Variants in SATB1 observed in about 807,000 individuals in gnomAD.
SATB1 encodes the protein DNA-binding protein SATB1.
SATB1 carries 11 observed loss-of-function variants against 86.9 expected under a neutral mutation model. That is an observed-to-expected ratio of 0.13 (90% confidence interval 0.08 to 0.21). SATB1 has a LOEUF of 0.21. Ranked by LOEUF, SATB1 falls within the 10% of genes least tolerant of loss-of-function variation. SATB1 has a pLI of 1.00. For synonymous variants in SATB1, 357 were observed against 357.2 expected, an observed-to-expected ratio of 1.00 and a Z score of 0.01; for missense variants, 551 against 937.6, an observed-to-expected ratio of 0.59 and a Z score of 5.39.
upstream of SATB1, among the ~76,000 whole-genome samples, chr3:18,427,345 T>G (rs1487061938): frequency 6.6e-6 from 1 of 152,100 alleles, no homozygotes; most frequent in African/African-American, 2.4e-5. Context: ...TTGTACAAAT[T>G]TACAAACAAT....
upstream of SATB1, among the ~76,000 whole-genome samples, chr3:18,442,972 C>CA (rs1467843824): frequency 4.6e-5 from 7 of 152,196 alleles, no homozygotes; most frequent in African/African-American, 1.4e-4. Flanking sequence ...TAGTACCATA[C>CA]AGGAGATGAG....
rs1694446378 is a variant in SATB1, at chr3:18,352,950, T to A, written c.1576-755A>T. On this transcript the variant is annotated intron_variant, in intron 9 of 10. Coordinates refer to ENST00000338745, the MANE Select transcript of SATB1 (RefSeq NM_002971.6). The surrounding 1 kb of genome is among the most constrained non-coding windows in gnomAD (Gnocchi z 4.1). ...TTTCCAAGGCCCAGTTTTTTTACCC[T>A]GAGGTTATCTATCAAGAACTGAATG... 6.6e-6 allele frequency: 1 copy of A among 152,164 alleles called. No individual in the cohort carries two copies. Among genetic ancestry groups the A allele is most frequent in the South Asian group, 2.1e-4 (1 of 4,824 alleles). 9.4% of individuals were successfully genotyped at this position (152,164 alleles called of 1,614,324 possible). A position where few individuals can be genotyped will look rare whatever the true frequency, so the allele number is the denominator to read the frequency against.
intron 9 of SATB1, among the ~76,000 whole-genome samples, chr3:18,377,798 C>A (rs545103644): frequency 5.3e-5 from 8 of 152,092 alleles, no homozygotes; most frequent in East Asian, 3.9e-4. Context: ...AGTTTTGTAG[C>A]ATTTTAGTAG....
chr3:18,414,503 G>C (rs1312495839), intron 5 of SATB1, among the ~76,000 whole-genome samples: 2 of 151,326 alleles, frequency 1.3e-5, no homozygotes, highest in African/African-American at 4.9e-5. Context: ...ATCTCAGAGG[G>C]AAAAAAGAAA....
chr3:18,415,861 G>A (rs1698083924), intron 4 of SATB1, 146 bp downstream of exon 4: 1 of 576,814 alleles, frequency 1.7e-6, no homozygotes, highest in Non-Finnish European at 2.8e-6. Flanking sequence ...AAAAAAGGCA[G>A]AAGGATAGGG....
intron 5 of SATB1, among the ~76,000 whole-genome samples, chr3:18,413,090 T>C (rs1346073201): frequency 6.6e-6 from 1 of 152,038 alleles, no homozygotes; most frequent in African/African-American, 2.4e-5. Flanking sequence ...CAGTGAGGTA[T>C]CCAGCCACAG....
In SATB1 at chr3:18,397,240, T is replaced by G; in HGVS notation, c.690A>C (p.Ala230=). The G allele has an allele frequency of 6.2e-7, 1 of 1,612,986 alleles. No individual in the cohort carries two copies. Among genetic ancestry groups the G allele is most frequent in the African/African-American group, 1.3e-5 (1 of 75,024 alleles). The change falls in exon 6 of 11, where the codon GCA becomes GCC. Residue 230 remains alanine, a synonymous_variant. Transcript: ENST00000338745. ...ACCTTCCAAATTCTTGACATTTTGCTGCTGAGACATTTGCATAGTAAGTAC... is the reference window on the plus strand; with the variant it reads ...ACCTTCCAAATTCTTGACATTTTGCGGCTGAGACATTTGCATAGTAAGTAC... ...VNSTYYANVS[A]AKCQEFGRWY...
rs1014375093 is a variant in SATB1, at chr3:18,423,926, T to C, written c.-324A>G. 1 of 151,558 alleles carries C rather than the reference T, an allele frequency of 6.6e-6. No homozygotes were observed. Among genetic ancestry groups the C allele is most frequent in the African/African-American group, 2.4e-5 (1 of 41,224 alleles). The allele number at this position is 151,558 out of a possible 1,614,324, so 9.4% of individuals were successfully genotyped here. A position where few individuals can be genotyped will look rare whatever the true frequency, so the allele number is the denominator to read the frequency against. ...ATTCGAAAACCAACATATAGGGGTTTGTAAAATGTCTAACCTCAGAGAACA... is the reference window on the plus strand; with the variant it reads ...ATTCGAAAACCAACATATAGGGGTTCGTAAAATGTCTAACCTCAGAGAACA... On this transcript the variant is annotated 5_prime_UTR_variant, in exon 1 of 11. Transcript: ENST00000338745.
At chr3:18,430,964 C>T (rs1344147165) in intron 2 of SATB1, among the ~76,000 whole-genome samples, 2 of 152,130 alleles carry the variant, frequency 1.3e-5, no homozygotes, top group Non-Finnish European at 1.5e-5. Flanking sequence ...TTCTGGAAAC[C>T]GACAGGATAT....
At chr3:18,362,830 A>C (rs1694969323) in intron 9 of SATB1, among the ~76,000 whole-genome samples, 2 of 116,412 alleles carry the variant, frequency 1.7e-5, no homozygotes, top group African/African-American at 6.0e-5. Flanking sequence ...TTAAGAAAAA[A>C]TATTGCTGAA....
intron 1 of SATB1, chr3:18,445,110 G>A: frequency 1.6e-6 from 1 of 629,724 alleles, no homozygotes; most frequent in Non-Finnish European, 2.0e-6. Flanking sequence ...GCGCCCGGGG[G>A]CTCGGCGGAC....
At chr3:18,351,746 G>C (rs1252373215) in intron 10 of SATB1, 1 of 539,192 alleles carries the variant, frequency 1.9e-6, no homozygotes, top group Admixed American at 3.2e-5. Flanking sequence ...TTTGCCAAAC[G>C]AGTGTAAAAA....
At chr3:18,393,769 G>T (rs1252079547) in intron 7 of SATB1, among the ~76,000 whole-genome samples, 1 of 152,152 alleles carries the variant, frequency 6.6e-6, no homozygotes, top group Non-Finnish European at 1.5e-5. Context: ...TCTACAGTGT[G>T]ACCGAGATTT....
At chr3:18,372,257 T>G (rs1400033064) in intron 9 of SATB1, among the ~76,000 whole-genome samples, 1 of 152,186 alleles carries the variant, frequency 6.6e-6, no homozygotes, top group Admixed American at 6.5e-5. Context: ...ACAAATTAAT[T>G]CTCTTCAAAT....
chr3:18,347,873 C>T lies in SATB1; in HGVS notation c.*1297G>A, dbSNP rs1274840508. On this transcript the variant is annotated 3_prime_UTR_variant, in exon 11 of 11. Transcript: ENST00000338745. ...TGAAATAACAAGTTATTAACATGCA[C>T]CTAAATGAGAGGGCCATCCTTTGAC... The T allele has an allele frequency of 1.3e-5, 2 of 152,312 alleles. No individual in the cohort carries two copies. The highest frequency in any genetic ancestry group is 3.8e-4 in the East Asian group (2 of 5,200). The allele number at this position is 152,312 out of a possible 1,614,324, so 9.4% of individuals were successfully genotyped here.
chr3:18,406,092 A>T (rs762366508), intron 5 of SATB1, among the ~76,000 whole-genome samples: 7 of 152,018 alleles, frequency 4.6e-5, no homozygotes, highest in Non-Finnish European at 1.0e-4. Flanking sequence ...TGTGTTTTCC[A>T]GGCTGAGCTG....
At chr3:18,419,212 T>C (rs1292456510) in intron 2 of SATB1, among the ~76,000 whole-genome samples, 1 of 152,170 alleles carries the variant, frequency 6.6e-6, no homozygotes, top group East Asian at 1.9e-4. Context: ...ACTGTTGCGG[T>C]TACCCTCCCG....
At chr3:18,432,483 A>G (rs1307541750) in intron 2 of SATB1, among the ~76,000 whole-genome samples, 1 of 152,126 alleles carries the variant, frequency 6.6e-6, no homozygotes, top group Non-Finnish European at 1.5e-5. Context: ...GCAATATCTG[A>G]TATTGTACTG....
chr3:18,369,763 A>G (rs557748330), intron 9 of SATB1, among the ~76,000 whole-genome samples: 5 of 152,286 alleles, frequency 3.3e-5, no homozygotes, highest in South Asian at 2.1e-4. Flanking sequence ...GAGGAATAAT[A>G]TTTCCAATGC....
Sources: gnomAD v4.1 joint callset for allele counts (sites outside exome capture counted in the v4.1 genomes callset) on GRCh38, gnomAD v4.1.1 for gene constraint, Gnocchi (gnomAD v3.1) non-coding constraint, MANE v1.5 for transcripts, NCBI Gene and HGNC (gene_info 2026-07-23, HGNC 2026-07-21) for gene names.